BEGAIN: variants seen among roughly 807,000 people sequenced by gnomAD.
The protein encoded by BEGAIN is brain-enriched guanylate kinase-associated protein.
A neutral mutation model predicts 35.8 loss-of-function variants in BEGAIN; 19 were observed. The observed-to-expected ratio is 0.53, with a 90% CI of 0.37 to 0.78. The LOEUF is 0.78. Ranked by LOEUF, BEGAIN falls within the 30% of genes least tolerant of loss-of-function variation. The pLI is 0.00. For synonymous variants in BEGAIN, 462 were observed against 388.6 expected (o/e 1.19, Z -2.22); for missense variants, 795 against 853.6 (o/e 0.93, Z 0.85).
At chr14:100,550,854 CGCA>C (rs931409165) in intron 2 of BEGAIN, among the ~76,000 whole-genome samples, 2 of 152,180 alleles carry the variant, frequency 1.3e-5, no homozygotes, top group Non-Finnish European at 2.9e-5. Flanking sequence ...GGGCGGGGGG[CGCA>C]GCAGCAGCCC....
chr14:100,585,535 G>T (rs1221554730), intron 1 of BEGAIN, among the ~76,000 whole-genome samples: 1 of 150,944 alleles, frequency 6.6e-6, no homozygotes, highest in Non-Finnish European at 1.5e-5. Context: ...TTGCCGTGGA[G>T]ATGATGCGTG....
At chr14:100,551,075 T>A (rs1213824055) in intron 2 of BEGAIN, among the ~76,000 whole-genome samples, 3 of 152,162 alleles carry the variant, frequency 2.0e-5, no homozygotes, top group Non-Finnish European at 4.4e-5. Flanking sequence ...GAGGAGGCCC[T>A]GATGGCTGCT....
At chr14:100,544,512 G>A (rs1353602488) in intron 4 of BEGAIN, among the ~76,000 whole-genome samples, 2 of 152,224 alleles carry the variant, frequency 1.3e-5, no homozygotes, top group East Asian at 3.8e-4. Flanking sequence ...CCCACACCCT[G>A]CCCCTCTTCG....
chr14:100,562,878 C>T (rs554683420), intron 2 of BEGAIN, among the ~76,000 whole-genome samples: 9 of 152,378 alleles, frequency 5.9e-5, no homozygotes, highest in East Asian at 5.8e-4. Context: ...CTAGAAGATT[C>T]GCCTGTGCAG....
intron 1 of BEGAIN, chr14:100,569,028 A>G: frequency 3.6e-6 from 3 of 843,884 alleles, no homozygotes; most frequent in Non-Finnish European, 4.3e-6. Context: ...GCGAGGGCGC[A>G]GCCCGGCCGC....
chr14:100,561,731 T>G (rs1449421939), intron 2 of BEGAIN, among the ~76,000 whole-genome samples: 1 of 151,270 alleles, frequency 6.6e-6, no homozygotes, highest in South Asian at 2.1e-4. Flanking sequence ...AAAAAAAAAT[T>G]TGCTGAAGGC....
Position 100,538,109 on chromosome 14 carries a change from T to G in BEGAIN, c.1699A>C (p.Ser567Arg). Residue 567 changes from serine to arginine, a missense_variant, in exon 7 of 7, where the codon AGC (serine) becomes CGC (arginine). Physicochemically the swap from Ser to Arg is moderately radical, Grantham distance 110. Coordinates refer to ENST00000554140, the MANE Select transcript of BEGAIN (RefSeq NM_001385089.1). Reference sequence around the variant, plus strand: ...ATTTCCGGGGAGGCCTCCATGGAGCTCGGCTCCAAGGAGTCCCTGGAACCC... The same window carrying G: ...ATTTCCGGGGAGGCCTCCATGGAGCGCGGCTCCAAGGAGTCCCTGGAACCC... ...EQGSRDSLEPSSMEASPEMHP... is the reference protein window; with the variant it reads ...EQGSRDSLEPRSMEASPEMHP... The G allele has an allele frequency of 1.3e-6, 2 of 1,571,936 alleles. No homozygotes were observed. Among genetic ancestry groups the G allele is most frequent in the East Asian group, 4.5e-5 (2 of 44,114 alleles).
chr14:100,571,131 C>T (rs886215132), intron 1 of BEGAIN, among the ~76,000 whole-genome samples: 9 of 152,198 alleles, frequency 5.9e-5, no homozygotes, highest in Admixed American at 4.6e-4. Context: ...GCCCCATTCA[C>T]ACCCGCTGCC....
chr14:100,571,848 C>T (rs1370977800), intron 1 of BEGAIN, among the ~76,000 whole-genome samples: 1 of 152,212 alleles, frequency 6.6e-6, no homozygotes, highest in Admixed American at 6.5e-5. Flanking sequence ...GTTCCTTGCA[C>T]CTGGAATGTT....
At chr14:100,559,600 T>C (rs1392335486) in intron 2 of BEGAIN, among the ~76,000 whole-genome samples, 1 of 152,216 alleles carries the variant, frequency 6.6e-6, no homozygotes, top group Non-Finnish European at 1.5e-5. Flanking sequence ...ACCAGGCTGC[T>C]CACCACTGCA....
chr14:100,554,601 C>T (rs929548211), intron 2 of BEGAIN, among the ~76,000 whole-genome samples: 2 of 152,146 alleles, frequency 1.3e-5, no homozygotes, highest in African/African-American at 4.8e-5. Context: ...CAGCTCACCC[C>T]ACCCTGCCCT....
chr14:100,547,796 T>C (rs75403841), intron 2 of BEGAIN: 4,970 of 152,336 alleles, frequency 0.033, 134 homozygotes, highest in East Asian at 0.12. Flanking sequence ...CTGTGGGACC[T>C]TGGGCAAAAG....
chr14:100,542,864 G>A (rs896551561), intron 5 of BEGAIN, among the ~76,000 whole-genome samples: 3 of 152,140 alleles, frequency 2.0e-5, no homozygotes, highest in African/African-American at 7.2e-5. Context: ...GTGCAATCAC[G>A]TTGCTCCTCT....
chr14:100,555,160 G>A (rs1192434370), intron 2 of BEGAIN, among the ~76,000 whole-genome samples: 3 of 152,266 alleles, frequency 2.0e-5, no homozygotes, highest in South Asian at 2.1e-4. Context: ...GCCCAGGGCC[G>A]AGTCCTCGCA....
chr14:100,541,314 G>A (rs1186595500), intron 5 of BEGAIN, among the ~76,000 whole-genome samples: 5 of 152,232 alleles, frequency 3.3e-5, no homozygotes, highest in East Asian at 1.9e-4. Context: ...GGGGTGGCCC[G>A]GAGGCCCAGT....
chr14:100,584,963 C>T (rs1458885799), intron 1 of BEGAIN, among the ~76,000 whole-genome samples: 1 of 152,134 alleles, frequency 6.6e-6, no homozygotes, highest in Non-Finnish European at 1.5e-5. Context: ...ACCTCCCCAC[C>T]GCCATGGCTT....
intron 2 of BEGAIN, chr14:100,550,466 C>T: frequency 2.5e-6 from 1 of 399,306 alleles, no homozygotes; most frequent in Non-Finnish European, 4.4e-6. Context: ...CCCTGCAGTA[C>T]TCGGGGCTGC....
At position 100,573,478 on chromosome 14, in the gene BEGAIN, T is replaced by C. The variant is rs896729058; in HGVS notation, c.43-5539A>G. ...CTGCCATGAGGTGGATGGGAGCCCC[T>C]GGAGGGATGAATGGGGGCGTCTCTG... On this transcript the variant is annotated intron_variant, in intron 1 of 6. Coordinates refer to ENST00000554140, the MANE Select transcript of BEGAIN (RefSeq NM_001385089.1). This position sits in a 1 kb window ranked among gnomAD's most constrained non-coding sequence, Gnocchi z 4.2. Among the ~76,000 whole-genome samples the C allele has an allele frequency of 6.6e-6, 1 of 150,790 alleles. No homozygotes were observed. The highest frequency in any genetic ancestry group is 1.5e-5 in the Non-Finnish European group (1 of 67,770).
intron 2 of BEGAIN, chr14:100,548,253 C>T (rs2032787921): frequency 6.6e-6 from 1 of 151,948 alleles, no homozygotes; most frequent in Non-Finnish European, 1.5e-5. Flanking sequence ...CGTGGCTGCC[C>T]CACTTCTAGC....
Sources: gnomAD v4.1 joint callset for allele counts (sites outside exome capture counted in the v4.1 genomes callset) on GRCh38, gnomAD v4.1.1 for gene constraint, Gnocchi (gnomAD v3.1) non-coding constraint, MANE v1.5 for transcripts, NCBI Gene and HGNC (gene_info 2026-07-23, HGNC 2026-07-21) for gene names.